Variants in ANKS1B observed in about 807,000 individuals in gnomAD.
ANKS1B encodes the protein ankyrin repeat and sterile alpha motif domain containing 1B, also known as ankyrin repeat and sterile alpha motif domain-containing protein 1B.
A neutral mutation model predicts 148.3 loss-of-function variants in ANKS1B; 36 were observed. That is an observed-to-expected ratio of 0.24 (90% confidence interval 0.19 to 0.32). ANKS1B has a LOEUF of 0.32. ANKS1B is among the 10% of genes least tolerant of loss of function. ANKS1B has a pLI of 1.00. For missense variants in ANKS1B, 1,157 were observed against 1,542.6 expected, an observed-to-expected ratio of 0.75 and a Z score of 4.19; for synonymous variants, 542 against 560.8, an observed-to-expected ratio of 0.97 and a Z score of 0.47.
At chr12:98,999,206 A>C (rs550804817) in intron 17 of ANKS1B, among the ~76,000 whole-genome samples, 10 of 150,532 alleles carry the variant, frequency 6.6e-5, no homozygotes, top group African/African-American at 2.2e-4. Flanking sequence ...GGTAAACTGC[A>C]GCAATTCATC....
At chr12:99,755,481 C>T (rs1182455232) in intron 8 of ANKS1B, among the ~76,000 whole-genome samples, 2 of 151,864 alleles carry the variant, frequency 1.3e-5, no homozygotes, top group Non-Finnish European at 2.9e-5. Context: ...GGGACTCCTC[C>T]CTAACTCATT....
intron 9 of ANKS1B, among the ~76,000 whole-genome samples, chr12:99,627,162 G>C (rs536277414): frequency 2.0e-5 from 3 of 152,020 alleles, no homozygotes; most frequent in African/African-American, 4.8e-5. Context: ...TGCTGCTATA[G>C]CAACTATAAA....
chr12:98,997,146 A>G (rs1346338052), intron 17 of ANKS1B, among the ~76,000 whole-genome samples: 2 of 152,204 alleles, frequency 1.3e-5, no homozygotes, highest in East Asian at 3.8e-4. Context: ...TATACCCATC[A>G]GTATACCAAA....
At chr12:99,458,026 C>T (rs1337425322) in intron 10 of ANKS1B, among the ~76,000 whole-genome samples, 1 of 151,990 alleles carries the variant, frequency 6.6e-6, no homozygotes, top group African/African-American at 2.4e-5. Flanking sequence ...TATGATAGGC[C>T]ATAAAACAAG....
intron 11 of ANKS1B, among the ~76,000 whole-genome samples, chr12:99,415,203 C>T (rs113386019): frequency 1.3e-5 from 2 of 152,210 alleles, no homozygotes; most frequent in African/African-American, 4.8e-5. Flanking sequence ...GCAAAAAATA[C>T]TTTTTGACTT....
rs545919603 is a variant in ANKS1B at position 99,395,749 on chromosome 12, G to A, written c.1756+3882C>T. ...AGTTGAAGCTTTAATCACAATTCAA[G>A]CTACTTTTTAAATGGCCCTCTGTTA... is the stretch of plus-strand genomic sequence containing the variant. On this transcript the variant is annotated intron_variant, in intron 12 of 26. Coordinates refer to ENST00000683438, the MANE Select transcript of ANKS1B (RefSeq NM_001352186.2). 5.9e-5 allele frequency among the ~76,000 whole-genome samples: 9 copies of A among 152,150 alleles called. No homozygotes were observed. The South Asian group carries it at 1.9e-3, about 32-fold the overall frequency.
chr12:99,000,068 G>C (rs777418495), intron 17 of ANKS1B, among the ~76,000 whole-genome samples: 1 of 151,930 alleles, frequency 6.6e-6, no homozygotes, highest in South Asian at 2.1e-4. Context: ...GCTAAGAAAC[G>C]GGTGGGTAGA....
intron 1 of ANKS1B, among the ~76,000 whole-genome samples, chr12:99,934,765 C>T (rs1555254016): frequency 6.6e-6 from 1 of 150,872 alleles, no homozygotes; most frequent in Non-Finnish European, 1.5e-5. Context: ...GAGATTAATA[C>T]AAAAAAGAAA....
intron 17 of ANKS1B, among the ~76,000 whole-genome samples, chr12:98,860,549 G>GAGCC (rs1184371350): frequency 6.6e-6 from 1 of 152,196 alleles, no homozygotes; most frequent in Non-Finnish European, 1.5e-5. Context: ...TGGAAGCAGA[G>GAGCC]AGCCACACCA....
At chr12:99,080,730 A>G (rs1365125678) in intron 16 of ANKS1B, among the ~76,000 whole-genome samples, 1 of 152,222 alleles carries the variant, frequency 6.6e-6, no homozygotes, top group Non-Finnish European at 1.5e-5. Flanking sequence ...TTGGCCACAT[A>G]CAATTCTTTT....
intron 9 of ANKS1B, among the ~76,000 whole-genome samples, chr12:99,654,130 A>G (rs2098438865): frequency 6.6e-6 from 1 of 152,132 alleles, no homozygotes; most frequent in Admixed American, 6.5e-5. Context: ...TTTAAGTACT[A>G]TATACTGATT....
chr12:99,613,511 C>T (rs535009734), intron 9 of ANKS1B, among the ~76,000 whole-genome samples: 1 of 152,124 alleles, frequency 6.6e-6, no homozygotes, highest in African/African-American at 2.4e-5. Context: ...ACACAGAATA[C>T]CATGCAGCCA....
chr12:99,066,187 G>A (rs773340841), intron 16 of ANKS1B, among the ~76,000 whole-genome samples: 3 of 152,070 alleles, frequency 2.0e-5, no homozygotes, highest in Non-Finnish European at 2.9e-5. Context: ...ATGGTGGTAT[G>A]TGCCTGTAAT....
intron 17 of ANKS1B, among the ~76,000 whole-genome samples, chr12:98,933,816 T>C (rs944307774): frequency 6.6e-6 from 1 of 152,172 alleles, no homozygotes; most frequent in African/African-American, 2.4e-5. Context: ...TCTATTCAAG[T>C]CCTTAGCCCA....
chr12:99,523,459 G>C (rs56141963), intron 9 of ANKS1B, among the ~76,000 whole-genome samples: 3,241 of 152,114 alleles, frequency 0.021, 40 homozygotes, highest in Non-Finnish European at 0.034. Context: ...CTAATAATTA[G>C]AGCTTTGCAG....
rs77327197 is a variant in ANKS1B at position 98,883,833 on chromosome 12, T to C, written c.2779-51697A>G. Reference sequence around the variant, plus strand: ...CACCAGAAGGATTATATGTGTTTGATATTGTTATTTTTTATTAGTGTAATT... The same window carrying C: ...CACCAGAAGGATTATATGTGTTTGACATTGTTATTTTTTATTAGTGTAATT... On this transcript the variant is annotated intron_variant, in intron 17 of 26. Transcript: ENST00000683438. 8.8e-3 allele frequency among the ~76,000 whole-genome samples: 1,339 copies of C among 152,312 alleles called. 50 individuals carry two copies. The highest frequency in any genetic ancestry group is 0.085 in the East Asian group (440 of 5,180).
At chr12:99,759,273 AC>A (rs1470678036) in intron 8 of ANKS1B, among the ~76,000 whole-genome samples, 2 of 151,942 alleles carry the variant, frequency 1.3e-5, no homozygotes, top group African/African-American at 4.8e-5. Flanking sequence ...TGTGAAAATA[AC>A]ATCAGTTTTA....
At chr12:98,740,076 T>C (rs1032870102), downstream of ANKS1B, among the ~76,000 whole-genome samples, 16 of 152,170 alleles carry the variant, frequency 1.1e-4, no homozygotes, top group African/African-American at 3.9e-4. Flanking sequence ...AGACTGGGAA[T>C]GAGGGGAGAA....
At chr12:99,459,365 C>CTA (rs947617857) in intron 10 of ANKS1B, among the ~76,000 whole-genome samples, 1 of 152,056 alleles carries the variant, frequency 6.6e-6, no homozygotes, top group African/African-American at 2.4e-5. Flanking sequence ...AGGATGCCCA[C>CTA]TTTCACCACT....
Sources: allele counts gnomAD v4.1 joint callset (sites outside exome capture counted in the v4.1 genomes callset), GRCh38; gene constraint gnomAD v4.1.1; transcripts MANE v1.5; gene names NCBI Gene and HGNC (gene_info 2026-07-23, HGNC 2026-07-21).